The following TAPT1 variants were observed in gnomAD, a reference collection of about 807,000 sequenced individuals.
TAPT1 encodes the protein transmembrane anterior posterior transformation protein 1 homolog.
TAPT1 carries 28 observed loss-of-function variants against 65.6 expected under a neutral mutation model. That is an observed-to-expected ratio of 0.43 (90% CI 0.32 to 0.59). The LOEUF is 0.59. TAPT1 is among the 20% of genes least tolerant of loss of function. The pLI, the probability that TAPT1 is intolerant of heterozygous loss-of-function variation, is 0.09. For missense variants in TAPT1, 563 were observed against 679.9 expected (o/e 0.83, Z 1.91); for synonymous variants, 278 against 245.2 (o/e 1.13, Z -1.25).
At chr4:16,169,055 T>G (rs944312096) in intron 12 of TAPT1, among the ~76,000 whole-genome samples, 2 of 152,212 alleles carry the variant, frequency 1.3e-5, no homozygotes, top group African/African-American at 4.8e-5. Context: ...AAAGAAGGCA[T>G]GGACAAGGTA....
At chr4:16,206,048 A>G (rs976094710) in intron 2 of TAPT1, among the ~76,000 whole-genome samples, 2 of 152,220 alleles carry the variant, frequency 1.3e-5, no homozygotes, top group African/African-American at 2.4e-5. Flanking sequence ...CAGGATATCA[A>G]TAAGAAAACT....
rs142041745 is a variant in TAPT1 at position 16,225,813 on chromosome 4, G to A, written c.199+446C>T. On this transcript the variant is annotated intron_variant, in intron 1 of 13. Transcript: ENST00000405303. ...GCTGTCTGTGAAAAATCTACTTGCA[G>A]GGCAAGTTAACAGGTTTCTATGGCT... The A allele has an allele frequency of 9.1e-5, 81 of 888,030 alleles. No homozygotes were observed. The East Asian group carries it at 6.7e-3, about 74-fold the overall frequency. 55.0% of individuals were successfully genotyped at this position (888,030 alleles called of 1,614,324 possible).
chr4:16,213,699 T>C lies in TAPT1; in HGVS notation c.330+69A>G, dbSNP rs528711001. ...AAAACTCAACTCTAGCTGTTGACCA[T>C]TTTTTTGCATAATTAATACTTTGAC... On this transcript the variant is annotated intron_variant, in intron 2 of 13. Coordinates refer to ENST00000405303, the MANE Select transcript of TAPT1 (RefSeq NM_153365.3). 8.8e-6 allele frequency: 12 copies of C among 1,356,744 alleles called. No homozygotes were observed. The African/African-American group carries it at 1.4e-4, about 15-fold the overall frequency. The allele number at this position is 1,356,744 out of a possible 1,614,324, so 84.0% of individuals were successfully genotyped here.
At chr4:16,181,638 GC>G (rs1237051207) in intron 7 of TAPT1, among the ~76,000 whole-genome samples, 1 of 152,082 alleles carries the variant, frequency 6.6e-6, no homozygotes, top group Non-Finnish European at 1.5e-5. Flanking sequence ...TGTCTCCCAG[GC>G]TGGATGCAGC....
intron 3 of TAPT1, among the ~76,000 whole-genome samples, chr4:16,199,269 ATAGTAAGAAGTGTTTGCAGGGGAAATCCT>A (rs1749896900): frequency 6.6e-6 from 1 of 152,194 alleles, no homozygotes; most frequent in South Asian, 2.1e-4. Context: ...CAAAGCAGAA[ATAGTAAGAAGTGTTTGCAGGGGAAATCCT>A]CAATGGAGTC....
intron 3 of TAPT1, among the ~76,000 whole-genome samples, chr4:16,192,440 T>G (rs1173374605): frequency 6.6e-6 from 1 of 152,242 alleles, no homozygotes; most frequent in East Asian, 1.9e-4. Flanking sequence ...TAGGACAGCT[T>G]TTGTATTACA....
chr4:16,185,543 A>AT (rs1399542335), intron 7 of TAPT1, among the ~76,000 whole-genome samples: 1 of 152,010 alleles, frequency 6.6e-6, no homozygotes, highest in Admixed American at 6.6e-5. Flanking sequence ...TAATTTTGGT[A>AT]TTTTTAGTAG....
At chr4:16,217,237 G>A (rs1398366417) in intron 1 of TAPT1, among the ~76,000 whole-genome samples, 2 of 152,064 alleles carry the variant, frequency 1.3e-5, no homozygotes, top group Admixed American at 1.3e-4. Flanking sequence ...TTTCTTGTCT[G>A]GTTTTCTCAT....
rs879810222 is a variant in TAPT1 at position 16,179,809 on chromosome 4, T to A, written c.917-152A>T. 2.1e-3 allele frequency among the ~76,000 whole-genome samples: 314 copies of A among 151,522 alleles called. 1 individual carries two copies. Among genetic ancestry groups the A allele is most frequent in the African/African-American group, 3.5e-3 (144 of 41,084 alleles). The stretch of plus-strand genomic sequence containing the variant: ...AACTTTATATATATATATATGTGTG[T>A]GTGTGTGTGTGTGTGTGTATATATA... On this transcript the variant is annotated intron_variant, in intron 7 of 13. Coordinates refer to ENST00000405303, the MANE Select transcript of TAPT1 (RefSeq NM_153365.3).
At chr4:16,166,339 C>T (rs1207628900) in intron 13 of TAPT1, among the ~76,000 whole-genome samples, 5 of 152,352 alleles carry the variant, frequency 3.3e-5, no homozygotes, top group South Asian at 4.1e-4. Context: ...CCCCTCTTCC[C>T]GACAATCTAG....
chr4:16,181,527 G>C, intron 7 of TAPT1, among the ~76,000 whole-genome samples: 1 of 152,176 alleles, frequency 6.6e-6, no homozygotes, highest in East Asian at 1.9e-4. Context: ...TAAGGATACT[G>C]ATGAAAGGGG....
chr4:16,218,097 A>C (rs556890171), intron 1 of TAPT1, among the ~76,000 whole-genome samples: 14 of 152,378 alleles, frequency 9.2e-5, no homozygotes, highest in African/African-American at 3.1e-4. Context: ...TTAAAAAGCA[A>C]ATTAAATAAA....
At chr4:16,226,882 C>T, upstream of TAPT1, 1 of 254,506 alleles carries the variant, frequency 3.9e-6, no homozygotes, top group African/African-American at 2.4e-5. Context: ...CCGCCACCAC[C>T]GCTGCCCGCA....
intron 7 of TAPT1, among the ~76,000 whole-genome samples, chr4:16,181,811 G>A (rs371852430): frequency 6.6e-6 from 1 of 152,150 alleles, no homozygotes; most frequent in African/African-American, 2.4e-5. Context: ...CAGGTGATCC[G>A]CCCATCTTGG....
At chr4:16,221,689 G>A (rs888950794) in intron 1 of TAPT1, among the ~76,000 whole-genome samples, 38 of 152,226 alleles carry the variant, frequency 2.5e-4, no homozygotes, top group African/African-American at 8.9e-4. Flanking sequence ...AAATAGCATT[G>A]AGCATTTAAA....
chr4:16,185,169 T>TA (rs1444961007), intron 7 of TAPT1, among the ~76,000 whole-genome samples: 1 of 151,990 alleles, frequency 6.6e-6, no homozygotes, highest in Admixed American at 6.5e-5. Flanking sequence ...CTTTTTTTTT[T>TA]AACCTTTATC....
At chr4:16,219,144 G>A (rs996498333) in intron 1 of TAPT1, among the ~76,000 whole-genome samples, 8 of 151,418 alleles carry the variant, frequency 5.3e-5, no homozygotes, top group Non-Finnish European at 1.0e-4. Flanking sequence ...GGCCCAGAGA[G>A]GCTAAGGAGA....
At chr4:16,195,844 T>G (rs1371469759) in intron 3 of TAPT1, among the ~76,000 whole-genome samples, 1 of 152,172 alleles carries the variant, frequency 6.6e-6, no homozygotes, top group Non-Finnish European at 1.5e-5. Context: ...TAACATCTAG[T>G]AGTGGACAGA....
intron 7 of TAPT1, among the ~76,000 whole-genome samples, chr4:16,183,477 G>A (rs1216246377): frequency 6.6e-6 from 1 of 151,938 alleles, no homozygotes; most frequent in Non-Finnish European, 1.5e-5. Flanking sequence ...TGGAATTCTG[G>A]GGAACCCGTT....
Sources: allele counts gnomAD v4.1 joint callset (sites outside exome capture counted in the v4.1 genomes callset), GRCh38; gene constraint gnomAD v4.1.1; transcripts MANE v1.5; gene names NCBI Gene and HGNC (gene_info 2026-07-23, HGNC 2026-07-21).